Variants in IFI35 observed in about 807,000 individuals in gnomAD.
The protein encoded by IFI35 is interferon-induced 35 kDa protein.
A neutral mutation model predicts 28.6 loss-of-function variants in IFI35; 30 were observed. The observed-to-expected ratio is 1.05, with a 90% confidence interval of 0.79 to 1.43. IFI35 has a LOEUF of 1.43. IFI35 is among the 40% of genes most tolerant of loss of function. The pLI, the probability that IFI35 is intolerant of heterozygous loss-of-function variation, is 0.00. For synonymous variants in IFI35, 146 were observed against 154.8 expected, an observed-to-expected ratio of 0.94 and a Z score of 0.42; for missense variants, 372 against 356.9, an observed-to-expected ratio of 1.04 and a Z score of -0.34.
Position 43,013,799 on chromosome 17 carries a change from G to A in IFI35, c.586G>A (p.Gly196Ser), listed in dbSNP as rs755531972. Reference sequence around the variant, plus strand: ...AGTGGCTCAGCGTCTGTGCCAAATCGGCCAGTTCACAGTGCCACTGGGTGG... The same window carrying A: ...AGTGGCTCAGCGTCTGTGCCAAATCAGCCAGTTCACAGTGCCACTGGGTGG... ...DGVAQRLCQI[G>S]QFTVPLGGQQ... The change falls in exon 6 of 7, where the codon GGC (glycine) becomes AGC (serine). Residue 196 changes from glycine to serine, a missense_variant. Transcript: ENST00000415816. 20 of 1,612,962 alleles carry A rather than the reference G, an allele frequency of 1.2e-5. No homozygotes were observed. The highest frequency in any genetic ancestry group is 6.7e-5 in the East Asian group (3 of 44,878).
Position 43,014,254 on chromosome 17 carries a change from C to T in IFI35, c.816C>T (p.Pro272=), listed in dbSNP as rs143878487. 6.2e-6 allele frequency: 10 copies of T among 1,604,256 alleles called. No individual in the cohort carries two copies. Among genetic ancestry groups the T allele is most frequent in the Non-Finnish European group, 8.5e-6 (10 of 1,175,560 alleles). Residue 272 remains proline (P), a synonymous_variant, in exon 7 of 7, where the codon CCC becomes CCT. Transcript: ENST00000415816. ...AGGTAGAGGCCCTGACAGTCGTACC[C>T]CAAGGACAGCAGGGCCTAGCAGTCT... ...GGEVEALTVV[P]QGQQGLAVFT...
At chr17:43,014,049 A>ACCCCCAG (rs2050496042) in intron 6 of IFI35, 59 bp from the exon 7 acceptor site, 3 of 1,544,372 alleles carry the variant, frequency 1.9e-6, no homozygotes, top group Non-Finnish European at 2.7e-6. Flanking sequence ...TGCCTGCCCT[A>ACCCCCAG]CCCCCAGCCC....
Position 43,013,896 on chromosome 17 carries a change from G to A in IFI35, c.669+14G>A. 1 of 1,548,900 alleles carries A rather than the reference G, an allele frequency of 6.5e-7. No homozygotes were observed. ...CAGAAGGCTGAGGTAAGCAGGAGGG[G>A]TGAAGAACAGGGGCTGGGCTGGGTA... On this transcript the variant is annotated intron_variant, in intron 6 of 6. Transcript: ENST00000415816.
rs770379286 is a variant in IFI35, at chr17:43,013,621, T to C, written c.521T>C (p.Leu174Pro). 17 of 1,613,928 alleles carry C rather than the reference T, an allele frequency of 1.1e-5. No homozygotes were observed. Residue 174 changes from leucine to proline, a missense_variant, in exon 5 of 7, where the codon CTA becomes CCA. Coordinates refer to ENST00000415816, the MANE Select transcript of IFI35 (RefSeq NM_001330230.2). ...NGGGDVDVRE[L>P]LPGSVMLGFA... ...GGTGGCGATGTGGACGTTCGGGAGC[T>C]ACTGCCAGGGAGTGTCATGCTGGGG...
intron 1 of IFI35, among the ~76,000 whole-genome samples, chr17:43,008,057 C>T (rs1446636646): frequency 4.5e-4 from 57 of 125,900 alleles, no homozygotes; most frequent in South Asian, 7.9e-4. Context: ...TTTTTTGAGA[C>T]GGAGTCTCAC....
chr17:43,013,633 G>C lies in IFI35; in HGVS notation c.533G>C (p.Ser178Thr). Residue 178 changes from serine to threonine, a missense_variant, in exon 5 of 7, where the codon AGT (serine) becomes ACT (threonine). By Grantham distance (58) the Ser-to-Thr change is moderately conservative (BLOSUM62 1). Transcript: ENST00000415816. ...GACGTTCGGGAGCTACTGCCAGGGA[G>C]TGTCATGCTGGGGTTTGCTAGGGAT... is the stretch of plus-strand genomic sequence containing the variant. ...DVDVRELLPG[S>T]VMLGFARDGV... The C allele has an allele frequency of 5.6e-6, 9 of 1,611,556 alleles. No homozygotes were observed. The highest frequency in any genetic ancestry group is 6.8e-6 in the Non-Finnish European group (8 of 1,177,910).
chr17:43,009,282 T>A (rs2050436501), intron 1 of IFI35, among the ~76,000 whole-genome samples: 1 of 152,114 alleles, frequency 6.6e-6, no homozygotes, highest in South Asian at 2.1e-4. Flanking sequence ...TACAGGCATG[T>A]GCCACAACAA....
intron 6 of IFI35, 98 bp from the exon 7 acceptor site, chr17:43,014,010 C>A: frequency 1.5e-6 from 2 of 1,341,534 alleles, no homozygotes; most frequent in Non-Finnish European, 2.1e-6. Context: ...CCTCTCCAGG[C>A]CTCCCGACCT....
In IFI35 at chr17:43,012,140, G is replaced by A. The variant is rs1464378876; in HGVS notation, c.22-39G>A. On this transcript the variant is annotated intron_variant, in intron 1 of 6. Transcript: ENST00000415816. Reference sequence around the variant, plus strand: ...CCTGGGCTTGTTGATTCTCTGGAAGGGCGGGTAGAAGTCTTGTTGTTTCCT... The same window carrying A: ...CCTGGGCTTGTTGATTCTCTGGAAGAGCGGGTAGAAGTCTTGTTGTTTCCT... 4 of 1,433,466 alleles carry A rather than the reference G, an allele frequency of 2.8e-6. No individual in the cohort carries two copies. The South Asian group carries it at 3.8e-5, about 14-fold the overall frequency. The allele number at this position is 1,433,466 out of a possible 1,614,324, so 88.8% of individuals were successfully genotyped here.
intron 1 of IFI35, among the ~76,000 whole-genome samples, chr17:43,011,850 T>A (rs1378357017): frequency 3.3e-5 from 5 of 152,218 alleles, no homozygotes; most frequent in Non-Finnish European, 7.3e-5. Flanking sequence ...CTGAGGGTCG[T>A]ACCCTTATCT....
Position 43,006,835 on chromosome 17 carries a change from GCT to G in IFI35, c.-112_-111del. The G allele has an allele frequency of 2.6e-6, 3 of 1,137,650 alleles. No homozygotes were observed. The highest frequency in any genetic ancestry group is 4.0e-6 in the Non-Finnish European group (3 of 747,382). The allele number at this position is 1,137,650 out of a possible 1,614,324, so 70.5% of individuals were successfully genotyped here. On this transcript the variant is annotated 5_prime_UTR_variant, in exon 1 of 7. Coordinates refer to ENST00000415816, the MANE Select transcript of IFI35 (RefSeq NM_001330230.2). ...GAGGTGTATTTCGGGTCTTGCTGGGGCTGAGAGAGACCACAGCCCTTTGGGGG... is the reference window on the plus strand; with the variant it reads ...GAGGTGTATTTCGGGTCTTGCTGGGGGAGAGAGACCACAGCCCTTTGGGGG...
chr17:43,010,536 T>G (rs1054349753), intron 1 of IFI35, among the ~76,000 whole-genome samples: 3 of 152,226 alleles, frequency 2.0e-5, no homozygotes, highest in Non-Finnish European at 4.4e-5. Flanking sequence ...ATGGCTCTAT[T>G]AACTCATTAA....
chr17:43,014,267 G>A lies in IFI35; in HGVS notation c.829G>A (p.Gly277Ser). Reference protein sequence around the residue: ...ALTVVPQGQQGLAVFTSESG With the variant: ...ALTVVPQGQQSLAVFTSESG ...GACAGTCGTACCCCAAGGACAGCAG[G>A]GCCTAGCAGTCTTCACCTCTGAGTC... The change falls in exon 7 of 7, where the codon GGC becomes AGC. Residue 277 changes from glycine (G) to serine (S), a missense_variant. Physicochemically the swap from Gly to Ser is moderately conservative, Grantham distance 56. Coordinates refer to ENST00000415816, the MANE Select transcript of IFI35 (RefSeq NM_001330230.2). 2 of 1,589,106 alleles carry A rather than the reference G, an allele frequency of 1.3e-6. No homozygotes were observed. Among genetic ancestry groups the A allele is most frequent in the Admixed American group, 1.8e-5 (1 of 56,436 alleles).
In IFI35 at chr17:43,012,277, G is replaced by A; in HGVS notation, c.120G>A (p.Lys40=). 6.4e-7 allele frequency: 1 copy of A among 1,563,256 alleles called. No individual in the cohort carries two copies. The highest frequency in any genetic ancestry group is 1.2e-5 in the South Asian group (1 of 84,876). The part of the protein sequence containing the change: ...RKELGDSPKD[K]VPFSVPKIPL... ...AGCTCGGGGACTCCCCCAAAGACAA[G>A]GTAAGGTGGGAGATCTGGTGTTGTT... is the stretch of plus-strand genomic sequence containing the variant. Residue 40 remains lysine (K), a splice_region_variant and synonymous_variant, in exon 2 of 7, where the codon AAG becomes AAA. Coordinates refer to ENST00000415816, the MANE Select transcript of IFI35 (RefSeq NM_001330230.2).
intron 1 of IFI35, among the ~76,000 whole-genome samples, chr17:43,008,517 ATTTTTTTT>A (rs34213054): frequency 4.9e-5 from 2 of 41,052 alleles, no homozygotes; most frequent in Non-Finnish European, 8.5e-5. Context: ...CGCCTGGCTC[ATTTTTTTT>A]TTTTTTTTTT....
At chr17:43,013,951 T>C (rs1195533137) in intron 6 of IFI35, 69 bp downstream of exon 6, 1 of 1,367,076 alleles carries the variant, frequency 7.3e-7, no homozygotes, top group African/African-American at 1.4e-5. Flanking sequence ...ACTTGCCCAA[T>C]GAAGGATCAG....
chr17:43,007,164 G>A (rs1597775805), intron 1 of IFI35, among the ~76,000 whole-genome samples, 196 bp downstream of exon 1: 1 of 152,298 alleles, frequency 6.6e-6, no homozygotes, highest in African/African-American at 2.4e-5. Flanking sequence ...CAGACAGGAG[G>A]AGCTCATTAA....
rs765405814 is a variant in IFI35, at chr17:43,013,398, G to T, written c.375+25G>T. 4 of 1,612,442 alleles carry T rather than the reference G, an allele frequency of 2.5e-6. No individual in the cohort carries two copies. The African/African-American group carries it at 4.0e-5, about 16-fold the overall frequency. On this transcript the variant is annotated intron_variant, in intron 4 of 6. Transcript: ENST00000415816. ...GGTGATGGTATGACAGAATCCTGGG[G>T]CATGCAAAGCATGCCATGCACCTGG...
intron 1 of IFI35, among the ~76,000 whole-genome samples, chr17:43,010,835 A>G (rs1053538177): frequency 2.0e-5 from 3 of 152,190 alleles, no homozygotes; most frequent in South Asian, 4.1e-4. Context: ...GATGGTCAGA[A>G]CAGAGTCCTA....
Sources: gnomAD v4.1 joint callset for allele counts (sites outside exome capture counted in the v4.1 genomes callset) on GRCh38, gnomAD v4.1.1 for gene constraint, MANE v1.5 for transcripts, NCBI Gene and HGNC (gene_info 2026-07-23, HGNC 2026-07-21) for gene names.